Variants in STX8 observed in about 807,000 individuals in gnomAD.
STX8 encodes the protein syntaxin-8.
In STX8, 23 loss-of-function variants were observed where a neutral mutation model predicts 37.5. That is an observed-to-expected ratio of 0.61 (90% confidence interval 0.44 to 0.87). STX8 has a LOEUF of 0.87. Ranked by LOEUF, STX8 falls within the 40% of genes least tolerant of loss-of-function variation. The probability of loss-of-function intolerance (pLI) is 0.00; values close to 1 mark genes in which losing one functional copy is unlikely to be tolerated. For missense variants in STX8, 313 were observed against 284.7 expected, an observed-to-expected ratio of 1.10 and a Z score of -0.71; for synonymous variants, 115 against 99.1, an observed-to-expected ratio of 1.16 and a Z score of -0.95.
chr17:9,313,103 A>G (rs1047785030), intron 7 of STX8, among the ~76,000 whole-genome samples: 7 of 152,172 alleles, frequency 4.6e-5, no homozygotes, highest in African/African-American at 1.7e-4. Context: ...AGACAGGAGA[A>G]TCACTTCAAT....
At chr17:9,412,577 C>G (rs1335392316) in intron 6 of STX8, among the ~76,000 whole-genome samples, 1 of 152,138 alleles carries the variant, frequency 6.6e-6, no homozygotes, top group Non-Finnish European at 1.5e-5. Flanking sequence ...CCACACCCGG[C>G]CTCACAGGAG....
chr17:9,538,629 G>A (rs1016954330), intron 4 of STX8, among the ~76,000 whole-genome samples: 6 of 152,192 alleles, frequency 3.9e-5, no homozygotes, highest in African/African-American at 9.7e-5. Context: ...CTGAGAAAAC[G>A]TAGACGTTTC....
At chr17:9,422,568 C>T (rs1913479068) in intron 6 of STX8, among the ~76,000 whole-genome samples, 1 of 152,224 alleles carries the variant, frequency 6.6e-6, no homozygotes, top group Non-Finnish European at 1.5e-5. Context: ...TTGTGTCCGG[C>T]TTCTTTCACT....
At chr17:9,421,567 G>A (rs1913431367) in intron 6 of STX8, among the ~76,000 whole-genome samples, 2 of 151,850 alleles carry the variant, frequency 1.3e-5, no homozygotes, top group South Asian at 4.1e-4. Context: ...GCTCCTGGGA[G>A]TGAACTAGGT....
chr17:9,250,557 C>T lies in STX8; in HGVS notation c.*21G>A. The T allele has an allele frequency of 2.5e-6, 4 of 1,578,164 alleles. No homozygotes were observed. Among genetic ancestry groups the T allele is most frequent in the Non-Finnish European group, 3.4e-6 (4 of 1,161,194 alleles). On this transcript the variant is annotated 3_prime_UTR_variant, in exon 8 of 8. Transcript: ENST00000306357. ...CATCTGTCATTGGCAGGTGTCACTG[C>T]TGGTGGTCTCTTTACTGCCATCAGT...
chr17:9,341,627 G>A (rs556880382), intron 7 of STX8, among the ~76,000 whole-genome samples: 2 of 152,218 alleles, frequency 1.3e-5, no homozygotes, highest in South Asian at 4.2e-4. Flanking sequence ...AGTAGAGACG[G>A]GGTTTCACCA....
chr17:9,541,161 G>A (rs1353849751), intron 4 of STX8, among the ~76,000 whole-genome samples: 1 of 152,148 alleles, frequency 6.6e-6, no homozygotes, highest in Non-Finnish European at 1.5e-5. Context: ...GGAGGTTTCG[G>A]TGAAAATACC....
intron 7 of STX8, among the ~76,000 whole-genome samples, chr17:9,371,978 T>C (rs73251955): frequency 0.011 from 1,616 of 152,326 alleles, 32 homozygotes; most frequent in African/African-American, 0.036. Flanking sequence ...TATTTGACTA[T>C]GTGCTGGTCA....
chr17:9,559,758 A>ATTTTTTTTTTT (rs1159388418), intron 2 of STX8, among the ~76,000 whole-genome samples: 20 of 28,370 alleles, frequency 7.0e-4, no homozygotes, highest in African/African-American at 2.6e-3. Flanking sequence ...ATATATATAT[A>ATTTTTTTTTTT]TATTTTTTTT....
At chr17:9,335,377 A>G (rs377178243) in intron 7 of STX8, among the ~76,000 whole-genome samples, 4 of 152,240 alleles carry the variant, frequency 2.6e-5, no homozygotes. Flanking sequence ...TATTTCTAAC[A>G]TAAGTAACCC....
At chr17:9,335,232 C>T (rs1910098622) in intron 7 of STX8, among the ~76,000 whole-genome samples, 1 of 152,234 alleles carries the variant, frequency 6.6e-6, no homozygotes, top group South Asian at 2.1e-4. Flanking sequence ...ATAAAAACCC[C>T]TTCCCCTCTC....
intron 7 of STX8, among the ~76,000 whole-genome samples, chr17:9,264,937 G>C (rs1907179378): frequency 6.6e-6 from 1 of 151,668 alleles, no homozygotes; most frequent in Admixed American, 6.6e-5. Context: ...TCCATAGGGA[G>C]ACCTCATCTC....
intron 5 of STX8, among the ~76,000 whole-genome samples, chr17:9,498,616 T>C (rs1045331768): frequency 6.6e-6 from 1 of 152,132 alleles, no homozygotes; most frequent in Non-Finnish European, 1.5e-5. Flanking sequence ...GCTACTAAGA[T>C]TCCCCAGTGT....
intron 6 of STX8, among the ~76,000 whole-genome samples, chr17:9,489,465 T>C (rs1168104195): frequency 6.6e-6 from 1 of 152,088 alleles, no homozygotes; most frequent in Non-Finnish European, 1.5e-5. Context: ...TGCTTTCATA[T>C]GGGAACTTAG....
At chr17:9,404,190 T>C (rs568472973) in intron 6 of STX8, among the ~76,000 whole-genome samples, 2 of 152,120 alleles carry the variant, frequency 1.3e-5, no homozygotes, top group South Asian at 2.1e-4. Flanking sequence ...TATCTTCACA[T>C]TGAGTAGGCT....
chr17:9,268,618 C>T (rs1907318702), intron 7 of STX8, among the ~76,000 whole-genome samples: 1 of 152,218 alleles, frequency 6.6e-6, no homozygotes, highest in Admixed American at 6.5e-5. Flanking sequence ...TAAAAGTGGT[C>T]CTTCACATAG....
chr17:9,429,736 T>A (rs12946068), intron 6 of STX8, among the ~76,000 whole-genome samples: 31 of 30,032 alleles, frequency 1.0e-3, no homozygotes, highest in Non-Finnish European at 1.7e-3. Context: ...TATATTATAT[T>A]ATATATTATA....
At chr17:9,354,983 T>C (rs927785639) in intron 7 of STX8, among the ~76,000 whole-genome samples, 2 of 152,194 alleles carry the variant, frequency 1.3e-5, no homozygotes, top group Non-Finnish European at 2.9e-5. Flanking sequence ...TTTGCTGAGA[T>C]ATTGGATGCC....
At chr17:9,390,715 T>TA (rs1340975468) in intron 6 of STX8, among the ~76,000 whole-genome samples, 1 of 148,278 alleles carries the variant, frequency 6.7e-6, no homozygotes, top group African/African-American at 2.5e-5. Flanking sequence ...TGGGCACCTG[T>TA]AGTCCCAGCT....
Sources: gnomAD v4.1 joint callset for allele counts (sites outside exome capture counted in the v4.1 genomes callset) on GRCh38, gnomAD v4.1.1 for gene constraint, MANE v1.5 for transcripts, NCBI Gene and HGNC (gene_info 2026-07-23, HGNC 2026-07-21) for gene names.